The following CALML5 variants were observed in gnomAD, a reference collection of about 807,000 sequenced individuals.
CALML5 encodes the protein calmodulin like 5, also known as calmodulin-like protein 5.
For synonymous variants in CALML5, 101 were observed against 96.8 expected, an observed-to-expected ratio of 1.04 and a Z score of -0.25; for missense variants, 207 against 206.6, an observed-to-expected ratio of 1.00 and a Z score of -0.01.
Position 5,498,857 on chromosome 10 carries a change from G to T in CALML5, c.*141C>A. ...CCCGAGGGCGCCGCATCCAGGCCCC[G>T]GAGCGCAAAGCCTTCCTCCCAGGGG... On this transcript the variant is annotated 3_prime_UTR_variant, in exon 1 of 1. Transcript: ENST00000380332. 1.3e-6 allele frequency: 1 copy of T among 757,738 alleles called. No individual in the cohort carries two copies. The highest frequency in any genetic ancestry group is 2.1e-6 in the Non-Finnish European group (1 of 484,466). 46.9% of individuals were successfully genotyped at this position (757,738 alleles called of 1,614,324 possible).
rs369153100 is a variant in CALML5 at position 5,498,992 on chromosome 10, G to C, written c.*6C>G. The C allele has an allele frequency of 2.0e-6, 3 of 1,531,346 alleles. No homozygotes were observed. Among genetic ancestry groups the C allele is most frequent in the Non-Finnish European group, 2.6e-6 (3 of 1,139,832 alleles). 94.9% of individuals were successfully genotyped at this position (1,531,346 alleles called of 1,614,324 possible). ...AGCGCAGCCAGGGGGACACAGGCGG[G>C]GAGCCTCACTCCTGGGCGAGCATCC... On this transcript the variant is annotated 3_prime_UTR_variant, in exon 1 of 1. Coordinates refer to ENST00000380332, the MANE Select transcript of CALML5 (RefSeq NM_017422.5).
rs987660694 is a variant in CALML5, at chr10:5,498,755, GCAGGGCAAAGGGGGAC to G, written c.*227_*242del. ...GGGGCTGAGGGGCCCTCATTCCACTGCAGGGCAAAGGGGGACCAGGCCCAAGGAGGCCTCCTTCTGC... is the reference window on the plus strand; with the variant it reads ...GGGGCTGAGGGGCCCTCATTCCACTGCAGGCCCAAGGAGGCCTCCTTCTGC... On this transcript the variant is annotated 3_prime_UTR_variant, in exon 1 of 1. Coordinates refer to ENST00000380332, the MANE Select transcript of CALML5 (RefSeq NM_017422.5). The G allele has an allele frequency of 1.8e-6, 1 of 560,824 alleles. No individual in the cohort carries two copies. Among genetic ancestry groups the G allele is most frequent in the African/African-American group, 1.9e-5 (1 of 52,212 alleles). 34.7% of individuals were successfully genotyped at this position (560,824 alleles called of 1,614,324 possible). A position where few individuals can be genotyped will look rare whatever the true frequency, so the allele number is the denominator to read the frequency against.
At position 5,499,409 on chromosome 10, in the gene CALML5, C is replaced by T. The variant is rs772442311; in HGVS notation, c.30G>A (p.Glu10=). ...CGGAGAAAGCCTTTTTGTACTGGGC[C>T]TCCTCCTCAGGAGTCAGCTCACCGG... MAGELTPEE[E]AQYKKAFSAV... The change falls in exon 1 of 1, where the codon GAG becomes GAA. Residue 10 remains glutamate (E), a synonymous_variant. Transcript: ENST00000380332. The T allele has an allele frequency of 1.2e-6, 2 of 1,613,958 alleles. No individual in the cohort carries two copies. The highest frequency in any genetic ancestry group is 1.1e-5 in the South Asian group (1 of 91,082).
Position 5,499,098 on chromosome 10 carries a change from A to C in CALML5, c.341T>G (p.Leu114Arg), listed in dbSNP as rs1312817816. Residue 114 changes from leucine to arginine, a missense_variant, in exon 1 of 1, where the codon CTG (leucine) becomes CGG (arginine). Physicochemically the swap from Leu to Arg is moderately radical, Grantham distance 102 (BLOSUM62 -2). Coordinates refer to ENST00000380332, the MANE Select transcript of CALML5 (RefSeq NM_017422.5). The stretch of plus-strand genomic sequence containing the variant: ...CATGGCGTCCAGCTCCTCCTGCGGC[A>C]GCGGCTGCCCCAGCCCCGCCATGGC... ...RRAMAGLGQP[L>R]PQEELDAMIR... 1 of 1,598,914 alleles carries C rather than the reference A, an allele frequency of 6.3e-7. No homozygotes were observed. Among genetic ancestry groups the C allele is most frequent in the Non-Finnish European group, 8.5e-7 (1 of 1,178,498 alleles).
chr10:5,499,070 G>A lies in CALML5; in HGVS notation c.369C>T (p.Ile123=). The A allele has an allele frequency of 6.3e-7, 1 of 1,599,226 alleles. No homozygotes were observed. The highest frequency in any genetic ancestry group is 8.5e-7 in the Non-Finnish European group (1 of 1,178,058). ...PLPQEELDAM[I]READVDQDGR... Reference sequence around the variant, plus strand: ...CGTCCTGGTCCACGTCGGCCTCGCGGATCATGGCGTCCAGCTCCTCCTGCG... The same window carrying A: ...CGTCCTGGTCCACGTCGGCCTCGCGAATCATGGCGTCCAGCTCCTCCTGCG... Residue 123 remains isoleucine (I), a synonymous_variant, in exon 1 of 1, where the codon ATC becomes ATT. Transcript: ENST00000380332.
In CALML5 at chr10:5,499,313, C is replaced by T. The variant is rs1469001444; in HGVS notation, c.126G>A (p.Lys42=). 5 of 1,614,050 alleles carry T rather than the reference C, an allele frequency of 3.1e-6. No individual in the cohort carries two copies. In the African/African-American group the frequency reaches 6.7e-5, roughly 22 times the overall value. The part of the protein sequence containing the change: ...ELGAALKATG[K]NLSEAQLRKL... ...TCCTTAGCTGGGCCTCCGAGAGGTT[C>T]TTGCCCGTGGCCTTCAGCGCCGCGC... Residue 42 remains lysine (K), a synonymous_variant, in exon 1 of 1, where the codon AAG becomes AAA. Transcript: ENST00000380332.
At position 5,498,916 on chromosome 10, in the gene CALML5, C is replaced by T. The variant is rs1233751394; in HGVS notation, c.*82G>A. On this transcript the variant is annotated 3_prime_UTR_variant, in exon 1 of 1. Coordinates refer to ENST00000380332, the MANE Select transcript of CALML5 (RefSeq NM_017422.5). ...TTCCCATCCACCGACCAGGTTTCCC[C>T]GGAGAGTCCCAGCACAAAAGCAGCA... 2.5e-6 allele frequency: 3 copies of T among 1,198,090 alleles called. No homozygotes were observed. The highest frequency in any genetic ancestry group is 2.8e-5 in the Admixed American group (1 of 36,110). The allele number at this position is 1,198,090 out of a possible 1,614,324, so 74.2% of individuals were successfully genotyped here.
Position 5,498,830 on chromosome 10 carries a change from G to T in CALML5, c.*168C>A, listed in dbSNP as rs921267715. On this transcript the variant is annotated 3_prime_UTR_variant, in exon 1 of 1. Transcript: ENST00000380332. ...TGGAGGCAGAGAGGGGCTCGCAGGCGGCCCGAGGGCGCCGCATCCAGGCCC... is the reference window on the plus strand; with the variant it reads ...TGGAGGCAGAGAGGGGCTCGCAGGCTGCCCGAGGGCGCCGCATCCAGGCCC... The T allele has an allele frequency of 1.9e-4, 118 of 625,582 alleles. 1 individual carries two copies. The Admixed American group carries it at 3.6e-3, about 19-fold the overall frequency. The allele number at this position is 625,582 out of a possible 1,614,324, so 38.8% of individuals were successfully genotyped here. A position where few individuals can be genotyped will look rare whatever the true frequency, so the allele number is the denominator to read the frequency against.
chr10:5,499,528 G>T lies in CALML5; in HGVS notation c.-90C>A. On this transcript the variant is annotated 5_prime_UTR_variant, in exon 1 of 1. The change creates a new upstream start codon in the 5' untranslated region. Coordinates refer to ENST00000380332, the MANE Select transcript of CALML5 (RefSeq NM_017422.5). The stretch of plus-strand genomic sequence containing the variant: ...CTCAGAGCTCGTGGTCCAGAGTGCA[G>T]GCAGCCGCAGGGATCCGGGCAGCGT... 9.0e-7 allele frequency: 1 copy of T among 1,106,948 alleles called. No homozygotes were observed. Among genetic ancestry groups the T allele is most frequent in the Non-Finnish European group, 1.3e-6 (1 of 760,314 alleles). 68.6% of individuals were successfully genotyped at this position (1,106,948 alleles called of 1,614,324 possible). A position where few individuals can be genotyped will look rare whatever the true frequency, so the allele number is the denominator to read the frequency against.
Position 5,498,861 on chromosome 10 carries a change from C to T in CALML5, c.*137G>A, listed in dbSNP as rs1027528645. On this transcript the variant is annotated 3_prime_UTR_variant, in exon 1 of 1. Coordinates refer to ENST00000380332, the MANE Select transcript of CALML5 (RefSeq NM_017422.5). ...AGGGCGCCGCATCCAGGCCCCGGAG[C>T]GCAAAGCCTTCCTCCCAGGGGGAGG... 4 of 782,700 alleles carry T rather than the reference C, an allele frequency of 5.1e-6. No homozygotes were observed. Among genetic ancestry groups the T allele is most frequent in the Non-Finnish European group, 7.9e-6 (4 of 505,904 alleles). 48.5% of individuals were successfully genotyped at this position (782,700 alleles called of 1,614,324 possible).
In CALML5 at chr10:5,498,977, G is replaced by C. The variant is rs1207692310; in HGVS notation, c.*21C>G. On this transcript the variant is annotated 3_prime_UTR_variant, in exon 1 of 1. Coordinates refer to ENST00000380332, the MANE Select transcript of CALML5 (RefSeq NM_017422.5). The stretch of plus-strand genomic sequence containing the variant: ...GCCCTGAAGGCTCAGAGCGCAGCCA[G>C]GGGGACACAGGCGGGGAGCCTCACT... The C allele has an allele frequency of 6.6e-7, 1 of 1,514,946 alleles. No homozygotes were observed. Among genetic ancestry groups the C allele is most frequent in the African/African-American group, 1.4e-5 (1 of 73,588 alleles). The allele number at this position is 1,514,946 out of a possible 1,614,324, so 93.8% of individuals were successfully genotyped here. A position where few individuals can be genotyped will look rare whatever the true frequency, so the allele number is the denominator to read the frequency against.
Position 5,498,841 on chromosome 10 carries a change from G to A in CALML5, c.*157C>T, listed in dbSNP as rs1271276930. ...AGGGGCTCGCAGGCGGCCCGAGGGC[G>A]CCGCATCCAGGCCCCGGAGCGCAAA... is the stretch of plus-strand genomic sequence containing the variant. On this transcript the variant is annotated 3_prime_UTR_variant, in exon 1 of 1. Transcript: ENST00000380332. 5 of 672,472 alleles carry A rather than the reference G, an allele frequency of 7.4e-6. No individual in the cohort carries two copies. In the Admixed American group the frequency reaches 1.2e-4, roughly 17 times the overall value. 41.7% of individuals were successfully genotyped at this position (672,472 alleles called of 1,614,324 possible).
chr10:5,499,374 G>A lies in CALML5; in HGVS notation c.65C>T (p.Thr22Met), dbSNP rs200883143. The stretch of plus-strand genomic sequence containing the variant: ...GGCATTGATGGTGCCGTTTCCATCC[G>A]TGTCAACCGCGGAGAAAGCCTTTTT... ...QYKKAFSAVD[T>M]DGNGTINAQE... The change falls in exon 1 of 1, where the codon ACG (threonine) becomes ATG (methionine). Residue 22 changes from threonine (T) to methionine (M), a missense_variant. Thr to Met is a moderately conservative substitution (Grantham distance 81). Transcript: ENST00000380332. 676 of 1,614,132 alleles carry A rather than the reference G, an allele frequency of 4.2e-4. 1 individual carries two copies. Among genetic ancestry groups the A allele is most frequent in the Non-Finnish European group, 6.3e-5 (74 of 1,179,988 alleles).
rs1167578387 is a variant in CALML5, at chr10:5,498,989, C to T, written c.*9G>A. Reference sequence around the variant, plus strand: ...CAGAGCGCAGCCAGGGGGACACAGGCGGGGAGCCTCACTCCTGGGCGAGCA... The same window carrying T: ...CAGAGCGCAGCCAGGGGGACACAGGTGGGGAGCCTCACTCCTGGGCGAGCA... On this transcript the variant is annotated 3_prime_UTR_variant, in exon 1 of 1. Transcript: ENST00000380332. The T allele has an allele frequency of 6.6e-6, 10 of 1,526,412 alleles. No individual in the cohort carries two copies. The highest frequency in any genetic ancestry group is 3.9e-5 in the Admixed American group (2 of 51,556). The allele number at this position is 1,526,412 out of a possible 1,614,324, so 94.6% of individuals were successfully genotyped here. A position where few individuals can be genotyped will look rare whatever the true frequency, so the allele number is the denominator to read the frequency against.
rs552180912 is a variant in CALML5 at position 5,498,944 on chromosome 10, G to C, written c.*54C>G. 1.8e-5 allele frequency: 25 copies of C among 1,352,612 alleles called. No individual in the cohort carries two copies. In the East Asian group the frequency reaches 4.5e-4, roughly 24 times the overall value. 83.8% of individuals were successfully genotyped at this position (1,352,612 alleles called of 1,614,324 possible). On this transcript the variant is annotated 3_prime_UTR_variant, in exon 1 of 1. Coordinates refer to ENST00000380332, the MANE Select transcript of CALML5 (RefSeq NM_017422.5). ...AGAGTCCCAGCACAAAAGCAGCAGCGGGCGGTGGCCCTGAAGGCTCAGAGC... is the reference window on the plus strand; with the variant it reads ...AGAGTCCCAGCACAAAAGCAGCAGCCGGCGGTGGCCCTGAAGGCTCAGAGC...
Position 5,499,168 on chromosome 10 carries a change from C to T in CALML5, c.271G>A (p.Asp91Asn), listed in dbSNP as rs1482623360. The T allele has an allele frequency of 1.9e-6, 3 of 1,608,736 alleles. No individual in the cohort carries two copies. Among genetic ancestry groups the T allele is most frequent in the East Asian group, 2.2e-5 (1 of 44,868 alleles). Residue 91 changes from aspartate to asparagine, a missense_variant, in exon 1 of 1, where the codon GAC becomes AAC. Physicochemically the swap from Asp to Asn is conservative, Grantham distance 23. Coordinates refer to ENST00000380332, the MANE Select transcript of CALML5 (RefSeq NM_017422.5). ...EDLQVAFRAF[D>N]QDGDGHITVD... ...GTGATGTGGCCGTCGCCATCCTGGT[C>T]GAAGGCGCGGAAGGCGACCTGCAGG...
chr10:5,499,199 C>T lies in CALML5; in HGVS notation c.240G>A (p.Leu80=). The T allele has an allele frequency of 6.2e-7, 1 of 1,612,238 alleles. No individual in the cohort carries two copies. Among genetic ancestry groups the T allele is most frequent in the Non-Finnish European group, 8.5e-7 (1 of 1,179,858 alleles). ...CGCGGAAGGCGACCTGCAGGTCCTC[C>T]AGGCCGGCCCTGGCCTTCTTCGCCG... The part of the protein sequence containing the change: ...LTAAKKARAG[L]EDLQVAFRAF... Residue 80 remains leucine, a synonymous_variant, in exon 1 of 1, where the codon CTG becomes CTA. Coordinates refer to ENST00000380332, the MANE Select transcript of CALML5 (RefSeq NM_017422.5).
rs781409942 is a variant in CALML5 at position 5,499,222 on chromosome 10, C to T, written c.217G>A (p.Ala73Thr). The change falls in exon 1 of 1, where the codon GCG becomes ACG. Residue 73 changes from alanine to threonine, a missense_variant. Transcript: ENST00000380332. The part of the protein sequence containing the change: ...EISFQEFLTA[A>T]KKARAGLEDL... ...TCCAGGCCGGCCCTGGCCTTCTTCG[C>T]CGCCGTCAGGAACTCCTGGAAGCTG... The T allele has an allele frequency of 6.2e-7, 1 of 1,613,110 alleles. No individual in the cohort carries two copies. The highest frequency in any genetic ancestry group is 1.1e-5 in the South Asian group (1 of 91,066).
Position 5,499,445 on chromosome 10 carries a change from G to A in CALML5, c.-7C>T, listed in dbSNP as rs765494020. On this transcript the variant is annotated 5_prime_UTR_variant, in exon 1 of 1. It adds an upstream start codon to the 5' untranslated region. Transcript: ENST00000380332. The stretch of plus-strand genomic sequence containing the variant: ...GAGTCAGCTCACCGGCCATGCCTGC[G>A]TCTCCTGCACCTCGCGGAGCCTCCG... 2 of 1,608,288 alleles carry A rather than the reference G, an allele frequency of 1.2e-6. No homozygotes were observed. Among genetic ancestry groups the A allele is most frequent in the Non-Finnish European group, 1.7e-6 (2 of 1,175,654 alleles).
Sources: allele counts gnomAD v4.1 joint callset, GRCh38; gene constraint gnomAD v4.1.1; transcripts MANE v1.5; gene names NCBI Gene and HGNC (gene_info 2026-07-23, HGNC 2026-07-21).